SLC9A9: variants seen among roughly 807,000 people sequenced by gnomAD.
The protein encoded by SLC9A9 is sodium/hydrogen exchanger 9.
SLC9A9 carries 62 observed loss-of-function variants against 77.8 expected under a neutral mutation model. The observed-to-expected ratio is 0.80, with a 90% CI of 0.65 to 0.98. SLC9A9 has a LOEUF of 0.98. SLC9A9 is among the 50% of genes least tolerant of loss of function. The pLI, the probability that SLC9A9 is intolerant of heterozygous loss-of-function variation, is 0.00. For missense variants in SLC9A9, 775 were observed against 774.9 expected, an observed-to-expected ratio of 1.00 and a Z score of 0.00; for synonymous variants, 320 against 283.5, an observed-to-expected ratio of 1.13 and a Z score of -1.29.
At chr3:143,411,998 C>T (rs995843168) in intron 12 of SLC9A9, among the ~76,000 whole-genome samples, 15 of 152,056 alleles carry the variant, frequency 9.9e-5, no homozygotes, top group African/African-American at 9.7e-5. Flanking sequence ...TACTGCCTAT[C>T]GGGGAAGTCC....
chr3:143,827,183 C>T (rs2009321009), intron 2 of SLC9A9, among the ~76,000 whole-genome samples: 1 of 152,186 alleles, frequency 6.6e-6, no homozygotes, highest in Admixed American at 6.5e-5. Context: ...ACATAACAAA[C>T]TTATGTTTGC....
At chr3:143,830,880 A>G (rs2009418543) in intron 2 of SLC9A9, among the ~76,000 whole-genome samples, 1 of 152,184 alleles carries the variant, frequency 6.6e-6, no homozygotes, top group Non-Finnish European at 1.5e-5. Flanking sequence ...TATTTCAGAA[A>G]TACATTATCT....
chr3:143,378,855 T>C (rs1350710879), intron 13 of SLC9A9, among the ~76,000 whole-genome samples: 1 of 152,236 alleles, frequency 6.6e-6, no homozygotes, highest in Admixed American at 6.5e-5. Context: ...CTAAAGCTTT[T>C]GTGCCTGGTA....
chr3:143,520,665 A>C (rs1236280298), intron 9 of SLC9A9, among the ~76,000 whole-genome samples: 1 of 152,218 alleles, frequency 6.6e-6, no homozygotes, highest in Non-Finnish European at 1.5e-5. Context: ...GAGAAAACAA[A>C]AGCCCAAAGA....
chr3:143,320,012 T>C (rs1254468838), intron 14 of SLC9A9, among the ~76,000 whole-genome samples: 12 of 152,212 alleles, frequency 7.9e-5, no homozygotes, highest in Non-Finnish European at 1.5e-4. Context: ...GCTTGCCCTA[T>C]AAACATGAGT....
At chr3:143,434,805 C>T (rs2034591051) in intron 12 of SLC9A9, among the ~76,000 whole-genome samples, 1 of 152,124 alleles carries the variant, frequency 6.6e-6, no homozygotes, top group African/African-American at 2.4e-5. Context: ...TCAGCCTAGT[C>T]CCCATCGTCC....
chr3:143,385,215 C>A (rs541070849), intron 12 of SLC9A9, among the ~76,000 whole-genome samples: 28 of 152,044 alleles, frequency 1.8e-4, no homozygotes, highest in African/African-American at 6.5e-4. Flanking sequence ...AATATGTTGA[C>A]ATATTGTCCC....
At chr3:143,748,406 A>G (rs139922003) in intron 4 of SLC9A9, among the ~76,000 whole-genome samples, 420 of 152,238 alleles carry the variant, frequency 2.8e-3, no homozygotes, top group African/African-American at 9.6e-3. Context: ...TTCAAGCCCA[A>G]TGTCTGGACC....
At chr3:143,345,135 A>G in intron 14 of SLC9A9, among the ~76,000 whole-genome samples, 1 of 152,244 alleles carries the variant, frequency 6.6e-6, no homozygotes, top group East Asian at 1.9e-4. Flanking sequence ...GAGTCATACA[A>G]GAGGAAATAT....
chr3:143,402,763 T>TC (rs2033892798), intron 12 of SLC9A9, among the ~76,000 whole-genome samples: 1 of 62,984 alleles, frequency 1.6e-5, no homozygotes, highest in Non-Finnish European at 4.0e-5. Flanking sequence ...GTGAAATTAG[T>TC]TTTTTTTTTT....
intron 12 of SLC9A9, among the ~76,000 whole-genome samples, chr3:143,383,854 G>C (rs2033358651): frequency 6.6e-6 from 1 of 152,204 alleles, no homozygotes; most frequent in African/African-American, 2.4e-5. Context: ...GCAAGGCCAT[G>C]TGAGAAGCCT....
chr3:143,614,928 G>GTTCTTCAGAA lies in SLC9A9; in HGVS notation c.756-36206_756-36205insTTCTGAAGAA, dbSNP rs550153041. Reference sequence around the variant, plus strand: ...ACTGTCATGTTCAGAGTTCTTCAGAGTCCTTCAGAATGCACTGGTCCTCTT... The same window carrying GTTCTTCAGAA: ...ACTGTCATGTTCAGAGTTCTTCAGAGTTCTTCAGAATCCTTCAGAATGCACTGGTCCTCTT... On this transcript the variant is annotated intron_variant, in intron 6 of 15. Coordinates refer to ENST00000316549, the MANE Select transcript of SLC9A9 (RefSeq NM_173653.4). 1.0e-3 allele frequency among the ~76,000 whole-genome samples: 156 copies of GTTCTTCAGAA among 152,218 alleles called. 1 individual carries two copies. Among genetic ancestry groups the GTTCTTCAGAA allele is most frequent in the Non-Finnish European group, 1.9e-3 (130 of 68,036 alleles).
At position 143,466,989 on chromosome 3, in the gene SLC9A9, C is replaced by A. The variant is rs191515657; in HGVS notation, c.1469+48G>T. ...GTCAGCAATACCAGAAATTGAACAG[C>A]GCAGCCATGCCTCATAATGATTTCC... On this transcript the variant is annotated intron_variant, in intron 12 of 15. Coordinates refer to ENST00000316549, the MANE Select transcript of SLC9A9 (RefSeq NM_173653.4). 1.1e-5 allele frequency: 17 copies of A among 1,594,520 alleles called. No individual in the cohort carries two copies. In the East Asian group the frequency reaches 2.0e-4, roughly 19 times the overall value.
chr3:143,485,432 C>G (rs996564425), intron 11 of SLC9A9, among the ~76,000 whole-genome samples: 1 of 152,008 alleles, frequency 6.6e-6, no homozygotes, highest in African/African-American at 2.4e-5. Flanking sequence ...AATATTAGGT[C>G]ATTAAAAAAT....
At chr3:143,587,878 A>G (rs1396313557) in intron 6 of SLC9A9, among the ~76,000 whole-genome samples, 1 of 152,212 alleles carries the variant, frequency 6.6e-6, no homozygotes, top group Non-Finnish European at 1.5e-5. Context: ...TAGTGAAGAA[A>G]AAGATTGAGA....
intron 6 of SLC9A9, among the ~76,000 whole-genome samples, chr3:143,598,011 C>T (rs1157897374): frequency 6.6e-6 from 1 of 152,090 alleles, no homozygotes; most frequent in Non-Finnish European, 1.5e-5. Context: ...CAGCTCAATT[C>T]GGGGCCTGCA....
intron 4 of SLC9A9, among the ~76,000 whole-genome samples, chr3:143,779,071 A>G (rs1385695207): frequency 2.0e-5 from 3 of 152,218 alleles, no homozygotes; most frequent in Admixed American, 6.5e-5. Context: ...GGGATGTCTT[A>G]TGGGGAAGCT....
intron 14 of SLC9A9, among the ~76,000 whole-genome samples, chr3:143,292,608 T>G (rs2108418922): frequency 6.6e-6 from 1 of 152,206 alleles, no homozygotes; most frequent in East Asian, 1.9e-4. Context: ...AAACGAGGTG[T>G]GTGGATTAGA....
intron 14 of SLC9A9, among the ~76,000 whole-genome samples, chr3:143,361,973 T>C (rs1005931590): frequency 1.3e-5 from 2 of 152,224 alleles, no homozygotes; most frequent in African/African-American, 2.4e-5. Context: ...GTACATCTCA[T>C]TGTGTTTACT....
Sources: allele counts gnomAD v4.1 joint callset (sites outside exome capture counted in the v4.1 genomes callset), GRCh38; gene constraint gnomAD v4.1.1; transcripts MANE v1.5; gene names NCBI Gene and HGNC (gene_info 2026-07-23, HGNC 2026-07-21).